Variants in NUDT3 observed in about 807,000 individuals in gnomAD.
NUDT3 encodes the protein diphosphoinositol polyphosphate phosphohydrolase 1.
NUDT3 carries 9 observed loss-of-function variants against 23.6 expected under a neutral mutation model. The ratio of observed to expected loss-of-function variants is 0.38; its 90% CI spans 0.23 to 0.66. The LOEUF is 0.66. Ranked by LOEUF, NUDT3 falls within the 30% of genes least tolerant of loss-of-function variation. The pLI is 0.52. For synonymous variants in NUDT3, 86 were observed against 82.6 expected, an observed-to-expected ratio of 1.04 and a Z score of -0.22; for missense variants, 172 against 218.5, an observed-to-expected ratio of 0.79 and a Z score of 1.34.
chr6:34,350,723 TA>T (rs1263912410), intron 1 of NUDT3, among the ~76,000 whole-genome samples: 1 of 150,168 alleles, frequency 6.7e-6, no homozygotes, highest in East Asian at 1.9e-4. Flanking sequence ...ACAGAGGAAC[TA>T]AAAAAAATGC....
chr6:34,304,109 T>C (rs1438670269), intron 2 of NUDT3, among the ~76,000 whole-genome samples: 1 of 151,790 alleles, frequency 6.6e-6, no homozygotes, highest in East Asian at 1.9e-4. Flanking sequence ...CAAAATCAGC[T>C]GGGTGTCGTG....
At position 34,282,780 on chromosome 6, in the gene NUDT3, G is replaced by A. The variant is rs1341299464; in HGVS notation, c.*5973C>T. 6.6e-6 allele frequency: 1 copy of A among 152,104 alleles called. No homozygotes were observed. Among genetic ancestry groups the A allele is most frequent in the East Asian group, 1.9e-4 (1 of 5,196 alleles). The allele number at this position is 152,104 out of a possible 1,614,324, so 9.4% of individuals were successfully genotyped here. A position where few individuals can be genotyped will look rare whatever the true frequency, so the allele number is the denominator to read the frequency against. On this transcript the variant is annotated 3_prime_UTR_variant, in exon 5 of 5. Coordinates refer to ENST00000607016, the MANE Select transcript of NUDT3 (RefSeq NM_006703.4). ...GTATCCTTTAAAGCCTATATCCAGG[G>A]TTTTAAATGACGCTTTTTTTGTGTG...
intron 2 of NUDT3, among the ~76,000 whole-genome samples, chr6:34,334,518 A>G (rs1764176806): frequency 6.6e-6 from 1 of 152,066 alleles, no homozygotes; most frequent in African/African-American, 2.4e-5. Context: ...GCACACCTAT[A>G]ATCCCAGCTA....
At chr6:34,388,567 T>C (rs1765146890) in intron 1 of NUDT3, among the ~76,000 whole-genome samples, 1 of 152,126 alleles carries the variant, frequency 6.6e-6, no homozygotes, top group South Asian at 2.1e-4. Context: ...ACTAACAAAT[T>C]ACTTCCCTTC....
intron 1 of NUDT3, among the ~76,000 whole-genome samples, chr6:34,360,158 A>T (rs1764626224): frequency 7.4e-6 from 1 of 135,538 alleles, no homozygotes; most frequent in Admixed American, 7.7e-5. Context: ...GAGCCTGGGG[A>T]GGTTGAAGCT....
intron 4 of NUDT3, among the ~76,000 whole-genome samples, chr6:34,292,119 G>A (rs1763431745): frequency 1.3e-5 from 2 of 152,156 alleles, no homozygotes; most frequent in South Asian, 4.1e-4. Context: ...TCTGAGGATA[G>A]GGCCACACCA....
At chr6:34,367,777 A>C (rs1472635556) in intron 1 of NUDT3, among the ~76,000 whole-genome samples, 2 of 152,246 alleles carry the variant, frequency 1.3e-5, no homozygotes, top group African/African-American at 4.8e-5. Context: ...GCTCTAAGGC[A>C]AGCTCAGAGC....
chr6:34,369,889 C>T (rs1764800328), intron 1 of NUDT3, among the ~76,000 whole-genome samples: 2 of 152,162 alleles, frequency 1.3e-5, no homozygotes, highest in South Asian at 4.1e-4. Context: ...ATGACTAACA[C>T]ATGCCACTGG....
At chr6:34,296,498 C>T (rs1763501072) in intron 2 of NUDT3, among the ~76,000 whole-genome samples, 1 of 151,692 alleles carries the variant, frequency 6.6e-6, no homozygotes, top group Non-Finnish European at 1.5e-5. Context: ...TGTTTGGGTC[C>T]AGGAGGTGGA....
chr6:34,384,725 C>T (rs922784519), intron 1 of NUDT3, among the ~76,000 whole-genome samples: 7 of 152,088 alleles, frequency 4.6e-5, no homozygotes, highest in African/African-American at 1.4e-4. Context: ...GTAAAGGATA[C>T]GGTTGATTAA....
chr6:34,371,359 G>C (rs151023685), intron 1 of NUDT3, among the ~76,000 whole-genome samples: 1 of 151,774 alleles, frequency 6.6e-6, no homozygotes, highest in Admixed American at 6.6e-5. Context: ...CAAGCTACTC[G>C]GGAGGCTGAG....
intron 1 of NUDT3, among the ~76,000 whole-genome samples, chr6:34,364,650 A>G (rs1764699227): frequency 1.3e-5 from 2 of 152,368 alleles, no homozygotes; most frequent in South Asian, 4.1e-4. Context: ...TCATAAATCA[A>G]AAACTCAGGC....
At chr6:34,383,223 C>T (rs1021647375) in intron 1 of NUDT3, among the ~76,000 whole-genome samples, 6 of 151,926 alleles carry the variant, frequency 3.9e-5, no homozygotes, top group African/African-American at 1.4e-4. Context: ...CCTTTTTATT[C>T]ATCATTGCTA....
intron 1 of NUDT3, among the ~76,000 whole-genome samples, chr6:34,343,151 A>G (rs1581877734): frequency 6.6e-6 from 1 of 152,196 alleles, no homozygotes; most frequent in African/African-American, 2.4e-5. Flanking sequence ...ACTATTTTTC[A>G]AATATATTTA....
chr6:34,300,402 G>T (rs1007953906), intron 2 of NUDT3, among the ~76,000 whole-genome samples: 4 of 152,186 alleles, frequency 2.6e-5, no homozygotes, highest in African/African-American at 9.7e-5. Flanking sequence ...CCAGGTGGGG[G>T]TTGTGGTGTA....
chr6:34,363,976 G>T (rs1333396892), intron 1 of NUDT3, among the ~76,000 whole-genome samples: 2 of 151,978 alleles, frequency 1.3e-5, no homozygotes, highest in Non-Finnish European at 1.5e-5. Flanking sequence ...TTTCACCACG[G>T]TTGTCGCCCA....
At chr6:34,338,890 C>T (rs568776237) in intron 2 of NUDT3, among the ~76,000 whole-genome samples, 16 of 152,282 alleles carry the variant, frequency 1.1e-4, no homozygotes, top group Admixed American at 2.0e-4. Flanking sequence ...ACAACAGAAT[C>T]CAACTTGATT....
chr6:34,359,734 C>T (rs1219917322), intron 1 of NUDT3, among the ~76,000 whole-genome samples: 1 of 152,174 alleles, frequency 6.6e-6, no homozygotes, highest in East Asian at 1.9e-4. Flanking sequence ...GCTGAACATT[C>T]CTCTACAAAT....
At chr6:34,300,043 C>T (rs974278535) in intron 2 of NUDT3, among the ~76,000 whole-genome samples, 5 of 152,152 alleles carry the variant, frequency 3.3e-5, no homozygotes, top group Non-Finnish European at 4.4e-5. Context: ...GCCACCTGCC[C>T]GGCCCTGCTT....
Sources: allele counts gnomAD v4.1 joint callset (sites outside exome capture counted in the v4.1 genomes callset), GRCh38; gene constraint gnomAD v4.1.1; transcripts MANE v1.5; gene names NCBI Gene and HGNC (gene_info 2026-07-23, HGNC 2026-07-21).